The following PYGB variants were observed in gnomAD, a reference collection of about 807,000 sequenced individuals.
The protein encoded by PYGB is glycogen phosphorylase B, also known as glycogen phosphorylase, brain form.
In PYGB, 82 loss-of-function variants were observed where a neutral mutation model predicts 94.3. That is an observed-to-expected ratio of 0.87 (90% CI 0.73 to 1.04). The LOEUF (loss-of-function observed/expected upper bound fraction) is 1.04, where lower values mean the gene tolerates loss of function less well. PYGB is among the 50% of genes least tolerant of loss of function. The pLI is 0.00. For synonymous variants in PYGB, 488 were observed against 479.1 expected (o/e 1.02, Z -0.24); for missense variants, 1,132 against 1,158.2 (o/e 0.98, Z 0.33).
intron 14 of PYGB, among the ~76,000 whole-genome samples, chr20:25,286,776 G>GC (rs998990621): frequency 1.3e-5 from 2 of 152,148 alleles, no homozygotes; most frequent in Admixed American, 6.5e-5. Flanking sequence ...CTCCTTGGTG[G>GC]CCCCCAGGAC....
chr20:25,287,460 A>G (rs1022777574), intron 14 of PYGB, among the ~76,000 whole-genome samples: 2 of 151,768 alleles, frequency 1.3e-5, no homozygotes, highest in African/African-American at 4.8e-5. Context: ...GTCTGGGCAA[A>G]AAAGTGAAAC....
chr20:25,294,361 G>T, intron 18 of PYGB, 69 bp downstream of exon 18: 1 of 1,497,018 alleles, frequency 6.7e-7, no homozygotes. Context: ...TTCGTGGGTT[G>T]GATATTCCAC....
chr20:25,291,076 C>G (rs1473871621), intron 16 of PYGB, among the ~76,000 whole-genome samples: 4 of 151,822 alleles, frequency 2.6e-5, no homozygotes, highest in Non-Finnish European at 4.4e-5. Context: ...TGCACCAGGC[C>G]AGTGGGGTTG....
intron 8 of PYGB, 145 bp downstream of exon 8, chr20:25,278,607 C>A: frequency 8.4e-7 from 1 of 1,184,970 alleles, no homozygotes. Context: ...GGGCCAGGAT[C>A]CCACCTGGGC....
intron 19 of PYGB, 27 bp from the exon 20 acceptor site, chr20:25,296,343 A>G: frequency 6.2e-7 from 1 of 1,613,588 alleles, no homozygotes; most frequent in Admixed American, 1.7e-5. Flanking sequence ...GTGACGCCAG[A>G]GACTAATTTC....
intron 5 of PYGB, among the ~76,000 whole-genome samples, chr20:25,275,370 T>C (rs1205577438): frequency 6.6e-6 from 1 of 152,172 alleles, no homozygotes; most frequent in Non-Finnish European, 1.5e-5. Context: ...TCCGGGCAGC[T>C]GTAAGCCGGG....
Position 25,294,221 on chromosome 20 carries a change from C to G in PYGB, c.2241C>G (p.Ser747Arg). 1 of 1,612,380 alleles carries G rather than the reference C, an allele frequency of 6.2e-7. No individual in the cohort carries two copies. Among genetic ancestry groups the G allele is most frequent in the Non-Finnish European group, 8.5e-7 (1 of 1,179,116 alleles). Residue 747 changes from serine to arginine, a missense_variant, in exon 18 of 20, where the codon AGC becomes AGG. Ser to Arg is a moderately radical substitution (Grantham distance 110, BLOSUM62 -1). Coordinates refer to ENST00000216962, the MANE Select transcript of PYGB (RefSeq NM_002862.4). The part of the protein sequence containing the change: ...PELKQAVDQI[S>R]SGFFSPKEPD... ...TGAAGCAGGCCGTGGACCAGATCAG[C>G]AGTGGCTTTTTTTCTCCCAAGGAGC...
At position 25,278,400 on chromosome 20, in the gene PYGB, A is replaced by C. The variant is rs1029706157; in HGVS notation, c.937A>C (p.Lys313Gln). The change falls in exon 8 of 20, where the codon AAG becomes CAG. Residue 313 changes from lysine to glutamine, a missense_variant. By Grantham distance (53) the Lys-to-Gln change is moderately conservative. Coordinates refer to ENST00000216962, the MANE Select transcript of PYGB (RefSeq NM_002862.4). ...GCTCCAGGACATCATCCGCCGCTTC[A>C]AGTCGTCCAAGTTCGGCTGCCGGGA... is the stretch of plus-strand genomic sequence containing the variant. ...ATLQDIIRRF[K>Q]SSKFGCRDPV... The C allele has an allele frequency of 6.2e-7, 1 of 1,608,160 alleles. No homozygotes were observed. Among genetic ancestry groups the C allele is most frequent in the African/African-American group, 1.4e-5 (1 of 72,554 alleles).
At chr20:25,263,761 A>G (rs1036145043) in intron 2 of PYGB, among the ~76,000 whole-genome samples, 2 of 152,202 alleles carry the variant, frequency 1.3e-5, no homozygotes, top group African/African-American at 2.4e-5. Flanking sequence ...TAGACCAATA[A>G]CAGGCTTTGA....
chr20:25,270,843 C>T (rs538715204), intron 3 of PYGB, among the ~76,000 whole-genome samples: 1 of 152,342 alleles, frequency 6.6e-6, no homozygotes, highest in Non-Finnish European at 1.5e-5. Flanking sequence ...TCTTTCAAGA[C>T]GTTTTGATTG....
intron 14 of PYGB, 135 bp from the exon 15 acceptor site, chr20:25,288,289 CG>C (rs1568697499): frequency 9.9e-7 from 1 of 1,007,994 alleles, no homozygotes; most frequent in Admixed American, 1.8e-5. Flanking sequence ...CACTGTCACC[CG>C]TGTCTCTGGG....
At chr20:25,253,616 C>G (rs370115658) in intron 1 of PYGB, among the ~76,000 whole-genome samples, 2 of 120,444 alleles carry the variant, frequency 1.7e-5, no homozygotes, top group East Asian at 6.5e-4. Context: ...GCCTGGGCAA[C>G]TCTGCCTAAA....
At position 25,274,723 on chromosome 20, in the gene PYGB, G is replaced by A. The variant is rs1206244914; in HGVS notation, c.660G>A (p.Gln220=). ...ACGGCGTGAAGTGGCTGGACACACA[G>A]GTACCTGGGCTGAAATGTCTGCGGG... ...TPDGVKWLDT[Q]VVLAMPYDTP... The change falls in exon 5 of 20, where the codon CAG becomes CAA. Residue 220 remains glutamine (Q), a splice_region_variant and synonymous_variant. Coordinates refer to ENST00000216962, the MANE Select transcript of PYGB (RefSeq NM_002862.4). 6.2e-7 allele frequency: 1 copy of A among 1,612,102 alleles called. No homozygotes were observed.
Position 25,296,946 on chromosome 20 carries a change from C to A in PYGB, c.*424C>A. 1 of 169,472 alleles carries A rather than the reference C, an allele frequency of 5.9e-6. No individual in the cohort carries two copies. The highest frequency in any genetic ancestry group is 1.3e-5 in the Non-Finnish European group (1 of 78,358). The allele number at this position is 169,472 out of a possible 1,614,324, so 10.5% of individuals were successfully genotyped here. ...AGCCTGGGAATGAGTGTTACTGCAG[C>A]ATCTGGGCTGCCAGCCACAGGGAAG... On this transcript the variant is annotated 3_prime_UTR_variant, in exon 20 of 20. Transcript: ENST00000216962.
At chr20:25,286,436 C>T (rs186508522) in intron 14 of PYGB, among the ~76,000 whole-genome samples, 2 of 152,256 alleles carry the variant, frequency 1.3e-5, no homozygotes, top group Admixed American at 6.5e-5. Context: ...TGGCATTTGG[C>T]TCCATGTCTT....
rs965829228 is a variant in PYGB at position 25,295,453 on chromosome 20, C to A, written c.2313-151C>A. Reference sequence around the variant, plus strand: ...CTGTGGCCAAATGGGCCTGGTGCAGCCTGGCTCTGACCAGCTGCGTGGGTG... The same window carrying A: ...CTGTGGCCAAATGGGCCTGGTGCAGACTGGCTCTGACCAGCTGCGTGGGTG... On this transcript the variant is annotated intron_variant, in intron 18 of 19. Transcript: ENST00000216962. 7 of 817,544 alleles carry A rather than the reference C, an allele frequency of 8.6e-6. No individual in the cohort carries two copies. In the African/African-American group the frequency reaches 1.2e-4, roughly 14 times the overall value. 50.6% of individuals were successfully genotyped at this position (817,544 alleles called of 1,614,324 possible).
At chr20:25,289,863 C>T (rs776915181) in intron 15 of PYGB, 9 of 533,398 alleles carry the variant, frequency 1.7e-5, no homozygotes, top group Non-Finnish European at 3.5e-5. Flanking sequence ...CATCACCACA[C>T]AGTACCACCA....
At chr20:25,283,585 A>C (rs73103606) in intron 13 of PYGB, among the ~76,000 whole-genome samples, 9,284 of 152,344 alleles carry the variant, frequency 0.061, 355 homozygotes, top group Non-Finnish European at 0.081. Flanking sequence ...GGAAGCCTCT[A>C]GAAGCCGATT....
chr20:25,277,464 G>A, intron 7 of PYGB, 138 bp downstream of exon 7: 1 of 730,586 alleles, frequency 1.4e-6, no homozygotes, highest in Admixed American at 2.5e-5. Flanking sequence ...CTCGCCTTAG[G>A]TGCACACACG....
Sources: gnomAD v4.1 joint callset for allele counts (sites outside exome capture counted in the v4.1 genomes callset) on GRCh38, gnomAD v4.1.1 for gene constraint, MANE v1.5 for transcripts, NCBI Gene and HGNC (gene_info 2026-07-23, HGNC 2026-07-21) for gene names.